FABP6: variants seen among roughly 807,000 people sequenced by gnomAD.
FABP6 encodes fatty acid binding protein 6.
FABP6 carries 13 observed loss-of-function variants against 14.9 expected under a neutral mutation model. The observed-to-expected ratio is 0.87, with a 90% confidence interval of 0.57 to 1.39. The LOEUF (loss-of-function observed/expected upper bound fraction) is 1.39. FABP6 is among the 40% of genes most tolerant of loss of function. The pLI is 0.00. For missense variants in FABP6, 161 were observed against 167.2 expected (o/e 0.96, Z 0.20); for synonymous variants, 75 against 63.6 (o/e 1.18, Z -0.85).
intron 1 of FABP6, among the ~76,000 whole-genome samples, chr5:160,231,589 T>A (rs964795076): frequency 6.6e-6 from 1 of 151,984 alleles, no homozygotes; most frequent in East Asian, 1.9e-4. Context: ...AGAGACAGGG[T>A]TTTACCATGT....
intron 1 of FABP6, among the ~76,000 whole-genome samples, chr5:160,230,631 G>A (rs553716755): frequency 1.3e-5 from 2 of 151,990 alleles, no homozygotes; most frequent in Non-Finnish European, 2.9e-5. Context: ...CAAAATGCTG[G>A]GATTACAGAC....
chr5:160,192,256 G>A (rs1759408943), intron 1 of FABP6, among the ~76,000 whole-genome samples: 1 of 152,098 alleles, frequency 6.6e-6, no homozygotes, highest in African/African-American at 2.4e-5. Context: ...TGAACTCCTG[G>A]GCTCAAGCAA....
At chr5:160,214,140 TTTCTTTC>T (rs1759960977) in intron 3 of FABP6, among the ~76,000 whole-genome samples, 1 of 124,712 alleles carries the variant, frequency 8.0e-6, no homozygotes, top group Admixed American at 8.3e-5. Context: ...TCTTTCTTTC[TTTCTTTC>T]TTTCTTTCTT....
chr5:160,231,707 A>T (rs1292897409), intron 1 of FABP6, among the ~76,000 whole-genome samples: 1 of 152,150 alleles, frequency 6.6e-6, no homozygotes, highest in African/African-American at 2.4e-5. Flanking sequence ...TGAAAGTCTC[A>T]TTCATTCCAG....
At chr5:160,225,601 C>G (rs1241057233), upstream of FABP6, among the ~76,000 whole-genome samples, 1 of 151,454 alleles carries the variant, frequency 6.6e-6, no homozygotes, top group Non-Finnish European at 1.5e-5. Flanking sequence ...ATGGGTTTCA[C>G]TGTTTAGCCA....
intron 2 of FABP6, 100 bp downstream of exon 2, chr5:160,232,373 C>T: frequency 7.7e-7 from 1 of 1,291,472 alleles, no homozygotes; most frequent in Non-Finnish European, 1.0e-6. Context: ...CTTCTTTCTC[C>T]AGTTTGGCCT....
At position 160,234,057 on chromosome 5, in the gene FABP6, C is replaced by A. The variant is rs1027799218; in HGVS notation, c.244-763C>A. Reference sequence around the variant, plus strand: ...AATAGAAAAGGAGTCAGGTTGGCGGCAGCAGGGTAAAGCAAAAAAGGAGAG... The same window carrying A: ...AATAGAAAAGGAGTCAGGTTGGCGGAAGCAGGGTAAAGCAAAAAAGGAGAG... On this transcript the variant is annotated intron_variant, in intron 2 of 3. Transcript: ENST00000402432. 2.0e-5 allele frequency among the ~76,000 whole-genome samples: 3 copies of A among 152,088 alleles called. No homozygotes were observed. The East Asian group carries it at 5.8e-4, about 29-fold the overall frequency.
At chr5:160,232,499 G>T (rs1760412539) in intron 2 of FABP6, among the ~76,000 whole-genome samples, 3 of 152,158 alleles carry the variant, frequency 2.0e-5, no homozygotes, top group Admixed American at 2.0e-4. Context: ...CTTATTATAA[G>T]CTAGACACTT....
intron 1 of FABP6, among the ~76,000 whole-genome samples, chr5:160,193,468 T>C (rs1306155247): frequency 2.0e-5 from 3 of 152,154 alleles, no homozygotes; most frequent in African/African-American, 7.2e-5. Context: ...TCAGGCAGCC[T>C]GCTTTTATTC....
chr5:160,227,818 A>ATGTGTGTGTGTGTG (rs776387001), upstream of FABP6, among the ~76,000 whole-genome samples: 297 of 130,702 alleles, frequency 2.3e-3, 1 homozygote, highest in African/African-American at 3.3e-3. Context: ...AAAATCCATG[A>ATGTGTGTGTGTGTG]CGTGTGTGTG....
chr5:160,193,330 G>A (rs1188876810), intron 1 of FABP6, among the ~76,000 whole-genome samples: 2 of 152,152 alleles, frequency 1.3e-5, no homozygotes, highest in African/African-American at 4.8e-5. Flanking sequence ...GACTTTCACG[G>A]TAAGTGTTAT....
chr5:160,213,125 A>T (rs1759927712), intron 2 of FABP6, among the ~76,000 whole-genome samples: 2 of 152,220 alleles, frequency 1.3e-5, no homozygotes, highest in African/African-American at 4.8e-5. Flanking sequence ...GGTTGGTACC[A>T]CATGACGCTT....
chr5:160,190,471 A>G (rs1034577767), intron 1 of FABP6, among the ~76,000 whole-genome samples: 1 of 152,144 alleles, frequency 6.6e-6, no homozygotes, highest in South Asian at 2.1e-4. Flanking sequence ...ACCTCAGGCG[A>G]TCTGCCCACC....
upstream of FABP6, chr5:160,228,490 T>C (rs1299864917): frequency 6.6e-6 from 3 of 456,272 alleles, no homozygotes; most frequent in Non-Finnish European, 1.3e-5. Flanking sequence ...TCTCACAAGA[T>C]GGGTAGGCCG....
chr5:160,221,223 A>T (rs1266447682), intron 3 of FABP6, among the ~76,000 whole-genome samples: 1 of 152,062 alleles, frequency 6.6e-6, no homozygotes, highest in Non-Finnish European at 1.5e-5. Flanking sequence ...GAGCTAAGAC[A>T]TGAGAAGGCT....
At chr5:160,232,613 CT>C (rs970379679) in intron 2 of FABP6, among the ~76,000 whole-genome samples, 1 of 152,076 alleles carries the variant, frequency 6.6e-6, no homozygotes, top group African/African-American at 2.4e-5. Context: ...AAAAAGCTTG[CT>C]GGCCAGGCAC....
intron 2 of FABP6, among the ~76,000 whole-genome samples, chr5:160,212,346 G>A (rs1383269718): frequency 6.6e-6 from 1 of 151,908 alleles, no homozygotes; most frequent in African/African-American, 2.4e-5. Context: ...ACTAGAGACA[G>A]GGTTTTACCA....
At chr5:160,201,248 C>A (rs1759633026) in intron 2 of FABP6, among the ~76,000 whole-genome samples, 1 of 152,006 alleles carries the variant, frequency 6.6e-6, no homozygotes, top group Non-Finnish European at 1.5e-5. Context: ...GTCCCAGCTA[C>A]TTGGGAGGCT....
intron 3 of FABP6, among the ~76,000 whole-genome samples, chr5:160,223,335 T>G (rs1374644995): frequency 1.5e-5 from 1 of 65,126 alleles, no homozygotes; most frequent in African/African-American, 6.4e-5. Context: ...TTGCCCGCCC[T>G]TCCTTCCTTC....
Sources: gnomAD v4.1 joint callset for allele counts (sites outside exome capture counted in the v4.1 genomes callset) on GRCh38, gnomAD v4.1.1 for gene constraint, MANE v1.5 for transcripts, NCBI Gene and HGNC (gene_info 2026-07-23, HGNC 2026-07-21) for gene names.